SIMC1: variants seen among roughly 807,000 people sequenced by gnomAD.
SIMC1 encodes the protein SUMO interacting motifs containing 1, also known as SUMO-interacting motif-containing protein 1.
A neutral mutation model predicts 82.3 loss-of-function variants in SIMC1; 55 were observed. The ratio of observed to expected loss-of-function variants is 0.67; its 90% confidence interval spans 0.54 to 0.84. The LOEUF (loss-of-function observed/expected upper bound fraction) is 0.84, where lower values mean the gene tolerates loss of function less well. SIMC1 is among the 40% of genes least tolerant of loss of function. SIMC1 has a pLI of 0.00. For synonymous variants in SIMC1, 353 were observed against 426.3 expected (o/e 0.83, Z 2.12); for missense variants, 915 against 1,107.2 (o/e 0.83, Z 2.46).
At chr5:176,249,005 G>GTATTT (rs1175325799) in intron 1 of SIMC1, among the ~76,000 whole-genome samples, 3 of 152,152 alleles carry the variant, frequency 2.0e-5, no homozygotes, top group Non-Finnish European at 4.4e-5. Flanking sequence ...TGGTGTGCCA[G>GTATTT]TATTTTATTG....
At chr5:176,303,522 G>A (rs1216825686) in intron 4 of SIMC1, among the ~76,000 whole-genome samples, 1 of 152,084 alleles carries the variant, frequency 6.6e-6, no homozygotes, top group Non-Finnish European at 1.5e-5. Context: ...GTTTCTCCAT[G>A]TTGATCAGGC....
intron 1 of SIMC1, among the ~76,000 whole-genome samples, chr5:176,281,865 C>A (rs1333793737): frequency 2.0e-5 from 3 of 152,222 alleles, no homozygotes; most frequent in African/African-American, 7.2e-5. Flanking sequence ...AGTTAGGCTG[C>A]TCAGGGGTCA....
chr5:176,263,388 A>C, intron 1 of SIMC1: 1 of 1,511,932 alleles, frequency 6.6e-7, no homozygotes, highest in Non-Finnish European at 8.8e-7. Flanking sequence ...TATAAAGAAA[A>C]GAGGTTTATT....
chr5:176,259,573 G>A (rs867887426), intron 1 of SIMC1, among the ~76,000 whole-genome samples: 2 of 152,376 alleles, frequency 1.3e-5, no homozygotes, highest in Middle Eastern at 6.8e-3. Flanking sequence ...AGGAGTTCGA[G>A]ACCAGCCTGG....
At chr5:176,337,750 G>A (rs1302507044) in intron 9 of SIMC1, among the ~76,000 whole-genome samples, 2 of 152,204 alleles carry the variant, frequency 1.3e-5, no homozygotes, top group Non-Finnish European at 1.5e-5. Flanking sequence ...TACAATGTAA[G>A]TACAGAGCAA....
At chr5:176,313,415 T>TA (rs932426155) in intron 4 of SIMC1, 1 of 1,546,512 alleles carries the variant, frequency 6.5e-7, no homozygotes, top group Admixed American at 2.0e-5. Flanking sequence ...AAAATTATAA[T>TA]TATCTGCAGA....
At position 176,285,322 on chromosome 5, in the gene SIMC1, G is replaced by C. The variant is rs1162362965; in HGVS notation, c.130-4332G>C. On this transcript the variant is annotated intron_variant, in intron 1 of 9. Transcript: ENST00000429602. ...GTGGGCTTCATCCCTGGGATGCAAG[G>C]CTGGTTCAATATACAGAAATCAATA... 3.2e-4 allele frequency among the ~76,000 whole-genome samples: 48 copies of C among 152,204 alleles called. 1 individual carries two copies. Among genetic ancestry groups the C allele is most frequent in the Admixed American group, 2.6e-3 (40 of 15,274 alleles).
intron 7 of SIMC1, among the ~76,000 whole-genome samples, chr5:176,330,865 T>C (rs541225740): frequency 9.2e-5 from 14 of 152,170 alleles, no homozygotes; most frequent in Admixed American, 7.2e-4. Flanking sequence ...AAGATACTTA[T>C]TTATTACAAA....
intron 1 of SIMC1, among the ~76,000 whole-genome samples, chr5:176,275,574 G>A (rs1206810484): frequency 6.6e-6 from 1 of 151,750 alleles, no homozygotes; most frequent in Non-Finnish European, 1.5e-5. Flanking sequence ...AATGCTTCCA[G>A]TTTTTGCCCA....
Position 176,289,862 on chromosome 5 carries a change from T to C in SIMC1, c.338T>C (p.Val113Ala), listed in dbSNP as rs1310996302. ...LSGKAVMEGHVDRSSQPTARR... is the reference protein window; with the variant it reads ...LSGKAVMEGHADRSSQPTARR... Reference sequence around the variant, plus strand: ...GGCAAAGCGGTGATGGAAGGGCACGTGGACAGAAGCTCTCAGCCTACAGCA... The same window carrying C: ...GGCAAAGCGGTGATGGAAGGGCACGCGGACAGAAGCTCTCAGCCTACAGCA... Residue 113 changes from valine (V) to alanine (A), a missense_variant, in exon 2 of 10, where the codon GTG (valine) becomes GCG (alanine). Transcript: ENST00000429602. 1 of 1,613,930 alleles carries C rather than the reference T, an allele frequency of 6.2e-7. No homozygotes were observed. The highest frequency in any genetic ancestry group is 8.5e-7 in the Non-Finnish European group (1 of 1,179,878).
intron 1 of SIMC1, among the ~76,000 whole-genome samples, chr5:176,280,077 TA>T (rs1366725978): frequency 6.6e-6 from 1 of 152,148 alleles, no homozygotes; most frequent in Non-Finnish European, 1.5e-5. Flanking sequence ...AGTGGGGTGT[TA>T]AAGTCTCCCA....
At chr5:176,298,384 C>T (rs1161149605) in intron 4 of SIMC1, among the ~76,000 whole-genome samples, 1 of 152,174 alleles carries the variant, frequency 6.6e-6, no homozygotes. Context: ...CCACACCTGT[C>T]CTGGAGTGGG....
At chr5:176,303,599 C>A (rs542599793) in intron 4 of SIMC1, among the ~76,000 whole-genome samples, 3 of 152,154 alleles carry the variant, frequency 2.0e-5, no homozygotes, top group Non-Finnish European at 4.4e-5. Flanking sequence ...GGATTACAGG[C>A]GTGAGCCACC....
chr5:176,319,266 A>T (rs78553815), intron 5 of SIMC1, among the ~76,000 whole-genome samples: 2 of 152,208 alleles, frequency 1.3e-5, no homozygotes, highest in African/African-American at 4.8e-5. Context: ...GGGCCATTTC[A>T]GTCTGGAAAA....
At position 176,245,354 on chromosome 5, in the gene SIMC1, A is replaced by G. The variant is rs1186832785; in HGVS notation, c.129+6717A>G. Among the ~76,000 whole-genome samples the G allele has an allele frequency of 6.6e-5, 10 of 152,232 alleles. No homozygotes were observed. In the East Asian group the frequency reaches 1.9e-3, roughly 29 times the overall value. Reference sequence around the variant, plus strand: ...TGCTGGCGACATCAGGAGCTAAGAAAAAGGCATGAAACAGATTCTTCCCTG... The same window carrying G: ...TGCTGGCGACATCAGGAGCTAAGAAGAAGGCATGAAACAGATTCTTCCCTG... On this transcript the variant is annotated intron_variant, in intron 1 of 9. Transcript: ENST00000429602.
intron 1 of SIMC1, among the ~76,000 whole-genome samples, chr5:176,287,519 T>C (rs373855042): frequency 2.6e-5 from 4 of 152,198 alleles, no homozygotes; most frequent in South Asian, 4.1e-4. Flanking sequence ...TTAGGAGATA[T>C]ATCTAATGTA....
In SIMC1 at chr5:176,252,850, A is replaced by G. The variant is rs575578127; in HGVS notation, c.129+14213A>G. On this transcript the variant is annotated intron_variant, in intron 1 of 9. Coordinates refer to ENST00000429602, the MANE Select transcript of SIMC1 (RefSeq NM_001308195.2). ...GCCACTGCACTCCAGCCTGGGCACC[A>G]TTGAGCACTGAGTGAACGAGACTCC... 2.6e-3 allele frequency among the ~76,000 whole-genome samples: 391 copies of G among 152,312 alleles called. 4 individuals are homozygous for G. The highest frequency in any genetic ancestry group is 8.8e-3 in the African/African-American group (368 of 41,582).
intron 1 of SIMC1, among the ~76,000 whole-genome samples, chr5:176,253,274 G>A (rs1396589686): frequency 2.6e-5 from 4 of 152,198 alleles, no homozygotes; most frequent in Non-Finnish European, 5.9e-5. Flanking sequence ...TGGGTAACCC[G>A]ACCTTTCCCT....
At chr5:176,262,787 A>G (rs1388674784) in intron 1 of SIMC1, among the ~76,000 whole-genome samples, 2 of 152,176 alleles carry the variant, frequency 1.3e-5, no homozygotes, top group Admixed American at 1.3e-4. Context: ...CCTGGGTGAC[A>G]GAGTGAGACT....
Sources: gnomAD v4.1 joint callset for allele counts (sites outside exome capture counted in the v4.1 genomes callset) on GRCh38, gnomAD v4.1.1 for gene constraint, MANE v1.5 for transcripts, NCBI Gene and HGNC (gene_info 2026-07-23, HGNC 2026-07-21) for gene names.